IFT172: variants seen among roughly 807,000 people sequenced by gnomAD.
IFT172 encodes the protein intraflagellar transport protein 172 homolog.
Under a neutral mutation model 248.9 loss-of-function variants are expected in IFT172, and 164 were observed. The observed-to-expected ratio is 0.66, with a 90% CI of 0.58 to 0.75. IFT172 has a LOEUF of 0.75. Among genes scored for constraint, IFT172 ranks in the 30% least tolerant of loss-of-function variants. The pLI is 0.00. For synonymous variants in IFT172, 729 were observed against 791.6 expected, an observed-to-expected ratio of 0.92 and a Z score of 1.33; for missense variants, 1,950 against 2,192.4, an observed-to-expected ratio of 0.89 and a Z score of 2.21.
chr2:27,484,765 G>A (rs777256003), intron 3 of IFT172, among the ~76,000 whole-genome samples: 3 of 152,156 alleles, frequency 2.0e-5, no homozygotes, highest in Non-Finnish European at 2.9e-5. Flanking sequence ...CAATAACAAA[G>A]ATGTGACATC....
At chr2:27,481,863 C>T (rs915586310) in intron 7 of IFT172, among the ~76,000 whole-genome samples, 2 of 151,846 alleles carry the variant, frequency 1.3e-5, no homozygotes, top group Non-Finnish European at 2.9e-5. Flanking sequence ...TTAATATGCA[C>T]CTGGTAAAGC....
intron 28 of IFT172, 27 bp from the exon 29 acceptor site, chr2:27,457,782 A>G: frequency 6.2e-7 from 1 of 1,613,810 alleles, no homozygotes; most frequent in Admixed American, 1.7e-5. Flanking sequence ...CAGGATGGAG[A>G]GATGGGGAGA....
chr2:27,484,255 T>C lies in IFT172; in HGVS notation c.308A>G (p.Lys103Arg). The change falls in exon 4 of 48, where the codon AAA (lysine) becomes AGA (arginine). Residue 103 changes from lysine (K) to arginine (R), a missense_variant. Around this residue, in one of 3 missense-constraint regions of IFT172, gnomAD observed 1,166 missense variants for 1,254.1 expected, o/e 0.93. Transcript: ENST00000260570. The part of the protein sequence containing the change: ...YKIGEDWGDK[K>R]VICNKFIQTS... Reference sequence around the variant, plus strand: ...CTGGATGAACTTGTTGCAGATGACTTTCTTGTCACCCCTGCCAAACAAAAG... The same window carrying C: ...CTGGATGAACTTGTTGCAGATGACTCTCTTGTCACCCCTGCCAAACAAAAG... 1 of 1,613,926 alleles carries C rather than the reference T, an allele frequency of 6.2e-7. No homozygotes were observed. Among genetic ancestry groups the C allele is most frequent in the Non-Finnish European group, 8.5e-7 (1 of 1,179,872 alleles).
chr2:27,453,588 C>T (rs1558364736), intron 34 of IFT172, 42 bp downstream of exon 34: 1 of 1,606,516 alleles, frequency 6.2e-7, no homozygotes, highest in African/African-American at 1.3e-5. Context: ...CCTCATGACC[C>T]TCCCAGCCCT....
chr2:27,467,290 A>G (rs1667152354), intron 16 of IFT172, among the ~76,000 whole-genome samples: 1 of 151,650 alleles, frequency 6.6e-6, no homozygotes, highest in African/African-American at 2.4e-5. Context: ...AATTATCCAG[A>G]GGCCAGATGC....
intron 16 of IFT172, among the ~76,000 whole-genome samples, chr2:27,466,331 GA>G (rs555365498): frequency 6.6e-6 from 1 of 151,966 alleles, no homozygotes; most frequent in Admixed American, 6.6e-5. Flanking sequence ...TCCTGAGCAA[GA>G]AAAAAAAGAA....
chr2:27,466,766 CT>C (rs1479585609), intron 16 of IFT172, among the ~76,000 whole-genome samples: 2 of 151,988 alleles, frequency 1.3e-5, no homozygotes, highest in East Asian at 3.9e-4. Context: ...AATCCCAGCA[CT>C]TTTCGAGACC....
Position 27,453,709 on chromosome 2 carries a change from T to TG in IFT172, c.3741dup (p.Ile1248HisfsTer18). ...TGGCTGGGCACATAGTCCTTGCAGA[T>TG]GCGCAGAGCGTCACTCCATAATCCA... On this transcript the variant is annotated frameshift_variant, in exon 34 of 48. Transcript: ENST00000260570. LOFTEE classifies it high-confidence loss of function. 1 of 1,612,532 alleles carries TG rather than the reference T, an allele frequency of 6.2e-7. No individual in the cohort carries two copies. The highest frequency in any genetic ancestry group is 1.1e-5 in the South Asian group (1 of 90,962).
At chr2:27,473,532 A>G (rs1572802487) in intron 14 of IFT172, among the ~76,000 whole-genome samples, 1 of 151,060 alleles carries the variant, frequency 6.6e-6, no homozygotes, top group Admixed American at 6.6e-5. Flanking sequence ...GGATGGTCTC[A>G]ATCTCCTGAC....
At chr2:27,459,131 T>G in intron 25 of IFT172, 1 of 623,220 alleles carries the variant, frequency 1.6e-6, no homozygotes, top group Non-Finnish European at 2.7e-6. Flanking sequence ...GCATTATTCA[T>G]GAAGAATCAC....
In IFT172 at chr2:27,445,674, C is replaced by G. The variant is rs780951589; in HGVS notation, c.4914+71G>C. On this transcript the variant is annotated intron_variant, in intron 45 of 47. Coordinates refer to ENST00000260570, the MANE Select transcript of IFT172 (RefSeq NM_015662.3). This position sits in a 1 kb window ranked among gnomAD's most constrained non-coding sequence, Gnocchi z 4.4. ...TGAGGTCCTTCCAAAGATGGCAGCA[C>G]AAAGATATTCTCCCTCCTCAAGGCA... 6.4e-6 allele frequency: 10 copies of G among 1,561,172 alleles called. No homozygotes were observed. The highest frequency in any genetic ancestry group is 8.8e-6 in the Non-Finnish European group (10 of 1,136,158).
chr2:27,468,850 AAAAAAAAAAAAG>A (rs924815424), intron 16 of IFT172, among the ~76,000 whole-genome samples: 8 of 148,670 alleles, frequency 5.4e-5, no homozygotes, highest in Admixed American at 1.3e-4. Flanking sequence ...CTCCGTCTCA[AAAAAAAAAAAAG>A]AAAAAAAAAA....
intron 30 of IFT172, chr2:27,455,614 G>C (rs761263363): frequency 1.2e-4 from 26 of 217,086 alleles, no homozygotes; most frequent in Non-Finnish European, 2.1e-4. Flanking sequence ...AGGAGGCTGA[G>C]GCAGGAGAAT....
In IFT172 at chr2:27,445,425, C is replaced by A; in HGVS notation, c.4939G>T (p.Asp1647Tyr). Reference protein sequence around the residue: ...VPEAEREEVRDWVLTVSMDQR... With the variant: ...VPEAEREEVRYWVLTVSMDQR... ...TCCATGGAGACTGTAAGCACCCAGT[C>A]TCGAACCTCTTCTCTCTCAGCCTCC... The change falls in exon 46 of 48, where the codon GAC (aspartate) becomes TAC (tyrosine). Residue 1647 changes from aspartate to tyrosine, a missense_variant. Transcript: ENST00000260570. This position sits in a 1 kb window ranked among gnomAD's most constrained non-coding sequence, Gnocchi z 4.4. 1 of 1,611,754 alleles carries A rather than the reference C, an allele frequency of 6.2e-7. No homozygotes were observed. Among genetic ancestry groups the A allele is most frequent in the Middle Eastern group, 1.7e-4 (1 of 5,882 alleles).
At position 27,454,526 on chromosome 2, in the gene IFT172, A is replaced by G. The variant is rs375324820; in HGVS notation, c.3465+41T>C. On this transcript the variant is annotated intron_variant, in intron 31 of 47. Coordinates refer to ENST00000260570, the MANE Select transcript of IFT172 (RefSeq NM_015662.3). The surrounding 1 kb of genome is among the most constrained non-coding windows in gnomAD (Gnocchi z 4.2). ...CAGCAGCAGTGCACTAGGGGATGGA[A>G]TAAGAGGGCTCTGCGGTCGGGGTCC... The G allele has an allele frequency of 6.2e-7, 1 of 1,610,546 alleles. No homozygotes were observed. Among genetic ancestry groups the G allele is most frequent in the Admixed American group, 1.7e-5 (1 of 59,994 alleles).
intron 1 of IFT172, among the ~76,000 whole-genome samples, chr2:27,488,159 A>AT (rs1217818098): frequency 3.4e-4 from 48 of 140,700 alleles, no homozygotes; most frequent in African/African-American, 7.4e-4. Context: ...TTTAAAAAAA[A>AT]TTTTTTTTTT....
At chr2:27,448,819 G>A (rs962732125) in intron 40 of IFT172, 96 bp downstream of exon 40, 2 of 755,730 alleles carry the variant, frequency 2.6e-6, no homozygotes, top group Non-Finnish European at 4.9e-6. Context: ...TCTAAGGATA[G>A]AATCCTCTGA....
rs777369595 is a variant in IFT172 at position 27,445,850 on chromosome 2, TAG to T, written c.4816-9_4816-8del. 6.2e-7 allele frequency: 1 copy of T among 1,613,948 alleles called. No individual in the cohort carries two copies. Among genetic ancestry groups the T allele is most frequent in the East Asian group, 2.2e-5 (1 of 44,894 alleles). On this transcript the variant is annotated splice_polypyrimidine_tract_variant and splice_region_variant and intron_variant, in intron 44 of 47. Coordinates refer to ENST00000260570, the MANE Select transcript of IFT172 (RefSeq NM_015662.3). This position sits in a 1 kb window ranked among gnomAD's most constrained non-coding sequence, Gnocchi z 4.4. ...GAGTCCCTTCCTCGATTGCCTGCAG[TAG>T]AGTGGGCAACCATGAACTAGGCACA...
At chr2:27,483,762 A>C in intron 5 of IFT172, 103 bp from the exon 6 acceptor site, 1 of 1,452,844 alleles carries the variant, frequency 6.9e-7, no homozygotes, top group South Asian at 1.1e-5. Flanking sequence ...GTCCCTATGC[A>C]TTCTCCCCAG....
Sources: gnomAD v4.1 joint callset for allele counts (sites outside exome capture counted in the v4.1 genomes callset) on GRCh38, gnomAD v4.1.1 for gene constraint, gnomAD v4.1.1 regional missense constraint, Gnocchi (gnomAD v3.1) non-coding constraint, MANE v1.5 for transcripts, NCBI Gene and HGNC (gene_info 2026-07-23, HGNC 2026-07-21) for gene names.